C16orf74: variants seen among roughly 807,000 people sequenced by gnomAD.
The protein encoded by C16orf74 is calcimembrin.
A neutral mutation model predicts 6.5 loss-of-function variants in C16orf74; 10 were observed. That is an observed-to-expected ratio of 1.54 (90% CI 0.95 to 2.61). The LOEUF is 2.61. Ranked by LOEUF, C16orf74 falls within the 30% of genes most tolerant of loss-of-function variation. C16orf74 has a pLI of 0.00. For synonymous variants in C16orf74, 60 were observed against 42.5 expected, an observed-to-expected ratio of 1.41 and a Z score of -1.60; for missense variants, 141 against 105.9, an observed-to-expected ratio of 1.33 and a Z score of -1.45.
intron 1 of C16orf74, among the ~76,000 whole-genome samples, chr16:85,749,872 G>C (rs2054417226): frequency 6.6e-6 from 1 of 152,196 alleles, no homozygotes; most frequent in South Asian, 2.1e-4. Context: ...CAGCCTCCTT[G>C]GGGCTGGTGA....
At chr16:85,750,474 T>G (rs1329464955) in intron 1 of C16orf74, among the ~76,000 whole-genome samples, 1 of 152,134 alleles carries the variant, frequency 6.6e-6, no homozygotes, top group Non-Finnish European at 1.5e-5. Context: ...GGCCCCTAAG[T>G]GAGGCAGTTC....
chr16:85,722,840 C>A (rs760418665), intron 2 of C16orf74, among the ~76,000 whole-genome samples: 1 of 152,238 alleles, frequency 6.6e-6, no homozygotes, highest in Admixed American at 6.5e-5. Flanking sequence ...CGCCTATGTG[C>A]ACCAGGCGCC....
At chr16:85,738,580 C>G (rs1375987387) in intron 1 of C16orf74, among the ~76,000 whole-genome samples, 1 of 151,926 alleles carries the variant, frequency 6.6e-6, no homozygotes, top group Non-Finnish European at 1.5e-5. Context: ...ATCCACCCAC[C>G]TCGGCCTCCC....
At chr16:85,711,623 C>CA (rs57336507) in intron 2 of C16orf74, among the ~76,000 whole-genome samples, 2,399 of 110,924 alleles carry the variant, frequency 0.022, 77 homozygotes, top group African/African-American at 0.076. Context: ...AACTCTGTCT[C>CA]AAAAAAAAAA....
intron 1 of C16orf74, among the ~76,000 whole-genome samples, chr16:85,737,440 G>A (rs905600860): frequency 2.0e-5 from 3 of 152,222 alleles, no homozygotes; most frequent in African/African-American, 7.2e-5. Flanking sequence ...ACTCGCACCT[G>A]TCATCCCAGC....
At chr16:85,735,256 T>C in intron 1 of C16orf74, 21 bp from the exon 2 acceptor site, 1 of 1,545,770 alleles carries the variant, frequency 6.5e-7, no homozygotes, top group Non-Finnish European at 8.7e-7. Context: ...AGGACAGCGC[T>C]GAGAGAGGGG....
chr16:85,731,938 G>T (rs1262512116), intron 2 of C16orf74, among the ~76,000 whole-genome samples: 1 of 152,216 alleles, frequency 6.6e-6, no homozygotes, highest in South Asian at 2.1e-4. Flanking sequence ...AGATCCTCCT[G>T]CCTCAGTTTC....
At chr16:85,716,499 G>T (rs2054025396) in intron 2 of C16orf74, among the ~76,000 whole-genome samples, 1 of 138,790 alleles carries the variant, frequency 7.2e-6, no homozygotes, top group African/African-American at 2.7e-5. Flanking sequence ...CGAAGGAGAG[G>T]AGGAAGGGAG....
intron 1 of C16orf74, chr16:85,744,297 A>C (rs1271124983): frequency 6.6e-6 from 1 of 151,992 alleles, no homozygotes; most frequent in Non-Finnish European, 1.5e-5. Context: ...GGAGAAAAAA[A>C]GATTTAAGGC....
At chr16:85,735,269 G>A (rs577487558) in intron 1 of C16orf74, 34 bp from the exon 2 acceptor site, 11 of 1,516,628 alleles carry the variant, frequency 7.3e-6, no homozygotes, top group Non-Finnish European at 8.9e-6. Context: ...GAGAGGGGAG[G>A]GCGCGACTTG....
intron 1 of C16orf74, among the ~76,000 whole-genome samples, chr16:85,737,475 A>T (rs554312797): frequency 1.3e-5 from 2 of 152,318 alleles, no homozygotes; most frequent in East Asian, 3.9e-4. Context: ...AGGCATGAGG[A>T]TCACTTGGGG....
intron 2 of C16orf74, among the ~76,000 whole-genome samples, chr16:85,719,916 G>C (rs1252034907): frequency 6.6e-6 from 1 of 152,006 alleles, no homozygotes; most frequent in African/African-American, 2.4e-5. Flanking sequence ...AAGGCCCTGA[G>C]GCAGGAACAG....
intron 1 of C16orf74, among the ~76,000 whole-genome samples, chr16:85,737,555 C>T (rs1469523854): frequency 1.3e-5 from 2 of 152,134 alleles, no homozygotes; most frequent in East Asian, 3.9e-4. Flanking sequence ...TACGCCTGGG[C>T]GCGGTGGCTC....
At chr16:85,735,383 T>A in intron 1 of C16orf74, 148 bp from the exon 2 acceptor site, 1 of 466,578 alleles carries the variant, frequency 2.1e-6, no homozygotes, top group Non-Finnish European at 3.8e-6. Context: ...TCATGCCACC[T>A]GTCAACTACA....
chr16:85,719,538 G>C (rs1264221720), intron 2 of C16orf74, among the ~76,000 whole-genome samples: 1 of 152,136 alleles, frequency 6.6e-6, no homozygotes, highest in Non-Finnish European at 1.5e-5. Flanking sequence ...GCACAGAGAA[G>C]TCAGGGCACA....
intron 1 of C16orf74, among the ~76,000 whole-genome samples, chr16:85,748,381 C>T (rs1037872814): frequency 4.0e-5 from 6 of 151,874 alleles, no homozygotes; most frequent in East Asian, 3.9e-4. Context: ...GAGTGGATCA[C>T]GAGGTCAGGA....
At chr16:85,715,687 A>G (rs901251030) in intron 2 of C16orf74, among the ~76,000 whole-genome samples, 1 of 152,222 alleles carries the variant, frequency 6.6e-6, no homozygotes, top group Non-Finnish European at 1.5e-5. Context: ...AAAAGCAGGC[A>G]TCAGGCAGGA....
intron 2 of C16orf74, among the ~76,000 whole-genome samples, chr16:85,721,662 C>T (rs748770992): frequency 1.3e-5 from 2 of 152,200 alleles, no homozygotes; most frequent in Non-Finnish European, 2.9e-5. Context: ...GGAGCAGGCC[C>T]GTCACCCACG....
intron 2 of C16orf74, among the ~76,000 whole-genome samples, chr16:85,734,467 G>C (rs998053727): frequency 6.6e-6 from 1 of 152,138 alleles, no homozygotes; most frequent in African/African-American, 2.4e-5. Flanking sequence ...AGGTGGCCCC[G>C]GGGCAGGCTA....
Sources: gnomAD v4.1 joint callset for allele counts (sites outside exome capture counted in the v4.1 genomes callset) on GRCh38, gnomAD v4.1.1 for gene constraint, MANE v1.5 for transcripts, NCBI Gene and HGNC (gene_info 2026-07-23, HGNC 2026-07-21) for gene names.